Variants in FOCAD observed in about 807,000 individuals in gnomAD.
The protein encoded by FOCAD is KIAA1797.
Under a neutral mutation model 225.6 loss-of-function variants are expected in FOCAD, and 198 were observed. The observed-to-expected ratio is 0.88, with a 90% CI of 0.78 to 0.99. The LOEUF (loss-of-function observed/expected upper bound fraction) is 0.99. Ranked by LOEUF, FOCAD falls within the 50% of genes least tolerant of loss-of-function variation. The pLI is 0.00. For synonymous variants in FOCAD, 897 were observed against 755.0 expected, an observed-to-expected ratio of 1.19 and a Z score of -3.08; for missense variants, 2,713 against 2,123.6, an observed-to-expected ratio of 1.28 and a Z score of -5.46.
chr9:20,907,016 T>C (rs2132019698), intron 21 of FOCAD, 134 bp from the exon 22 acceptor site: 2 of 633,980 alleles, frequency 3.2e-6, no homozygotes, highest in South Asian at 4.1e-5. Context: ...TTTGTGGTTC[T>C]GATCCTAGAC....
chr9:20,778,362 A>G (rs1219099151), intron 8 of FOCAD, among the ~76,000 whole-genome samples: 1 of 151,864 alleles, frequency 6.6e-6, no homozygotes, highest in Non-Finnish European at 1.5e-5. Flanking sequence ...CCTCCTGAGT[A>G]GCTGGGAAAT....
intron 4 of FOCAD, among the ~76,000 whole-genome samples, chr9:20,731,936 G>T (rs568652564): frequency 2.6e-5 from 4 of 152,060 alleles, no homozygotes; most frequent in Non-Finnish European, 5.9e-5. Flanking sequence ...TATTTATTGA[G>T]TATATTTATT....
rs907244624 is a variant in FOCAD at position 20,927,860 on chromosome 9, G to A, written c.3078+1443G>A. 8 of 151,542 alleles carry A rather than the reference G, an allele frequency of 5.3e-5. No individual in the cohort carries two copies. The South Asian group carries it at 1.5e-3, about 28-fold the overall frequency. The allele number at this position is 151,542 out of a possible 1,614,324, so 9.4% of individuals were successfully genotyped here. A position where few individuals can be genotyped will look rare whatever the true frequency, so the allele number is the denominator to read the frequency against. ...GCCGAAGGTCTTCTCTGTGTATTTT[G>A]TGTGCCTCTGTCCTGCCCTTGGGAA... On this transcript the variant is annotated intron_variant, in intron 26 of 43. Coordinates refer to ENST00000338382, the MANE Select transcript of FOCAD (RefSeq NM_001375567.1).
intron 11 of FOCAD, among the ~76,000 whole-genome samples, chr9:20,799,331 G>T (rs1472594239): frequency 1.3e-5 from 2 of 152,190 alleles, no homozygotes; most frequent in African/African-American, 4.8e-5. Flanking sequence ...CTGTTGATTT[G>T]GGGTGGAGAT....
chr9:20,848,723 T>C (rs1827362713), intron 15 of FOCAD, among the ~76,000 whole-genome samples: 1 of 151,990 alleles, frequency 6.6e-6, no homozygotes, highest in African/African-American at 2.4e-5. Flanking sequence ...CACATTCTTT[T>C]GCAACTTGTT....
chr9:20,922,335 T>A (rs144942209), intron 24 of FOCAD, among the ~76,000 whole-genome samples: 1 of 143,540 alleles, frequency 7.0e-6, no homozygotes, highest in Non-Finnish European at 1.6e-5. Flanking sequence ...GAGGAATACA[T>A]TGAGGTGGGG....
chr9:20,666,428 G>C (rs971151478), intron 2 of FOCAD, among the ~76,000 whole-genome samples: 20 of 152,080 alleles, frequency 1.3e-4, no homozygotes, highest in African/African-American at 4.8e-4. Flanking sequence ...AAAACAGCTG[G>C]AAGTGGTGGT....
chr9:20,870,891 A>G (rs1203370160), intron 18 of FOCAD, among the ~76,000 whole-genome samples: 1 of 152,170 alleles, frequency 6.6e-6, no homozygotes, highest in Admixed American at 6.5e-5. Flanking sequence ...TCTATATTCA[A>G]TTTGAAGCAA....
chr9:20,739,118 C>T (rs1180230741), intron 4 of FOCAD, among the ~76,000 whole-genome samples: 2 of 152,058 alleles, frequency 1.3e-5, no homozygotes, highest in African/African-American at 2.4e-5. Context: ...TAAAAAAATA[C>T]ACTCAGTAAC....
At chr9:20,799,341 T>G (rs1019141695) in intron 11 of FOCAD, among the ~76,000 whole-genome samples, 5 of 152,238 alleles carry the variant, frequency 3.3e-5, no homozygotes, top group Admixed American at 2.6e-4. Flanking sequence ...GGGGTGGAGA[T>G]TTCTGTAGAT....
chr9:20,832,048 G>A (rs551539975), intron 15 of FOCAD, among the ~76,000 whole-genome samples: 1 of 152,122 alleles, frequency 6.6e-6, no homozygotes, highest in East Asian at 1.9e-4. Flanking sequence ...GTCTTTTTAG[G>A]GTTGAGTAAT....
Position 20,993,324 on chromosome 9 carries a change from G to A in FOCAD, c.5328G>A (p.Leu1776=). The part of the protein sequence containing the change: ...EALSAQSRDL[L]KATLLSLRVL... ...TCTCAGCACAGTCCAGGGATCTTTTGAAAGGTATTACTTCCATGTTTTATG... is the reference window on the plus strand; with the variant it reads ...TCTCAGCACAGTCCAGGGATCTTTTAAAAGGTATTACTTCCATGTTTTATG... Residue 1776 remains leucine, a synonymous_variant, in exon 43 of 44, where the codon TTG becomes TTA. Transcript: ENST00000338382. 8.1e-6 allele frequency: 13 copies of A among 1,612,756 alleles called. No individual in the cohort carries two copies. The highest frequency in any genetic ancestry group is 1.1e-5 in the Non-Finnish European group (13 of 1,178,904).
At chr9:20,739,602 TAAA>T (rs77597569) in intron 4 of FOCAD, among the ~76,000 whole-genome samples, 1 of 139,964 alleles carries the variant, frequency 7.1e-6, no homozygotes. Flanking sequence ...AAACTCCATC[TAAA>T]AAAAAAAAAA....
intron 2 of FOCAD, among the ~76,000 whole-genome samples, chr9:20,659,301 G>A (rs371556588): frequency 9.6e-4 from 143 of 149,686 alleles, no homozygotes; most frequent in African/African-American, 1.5e-3. Flanking sequence ...CAGCTAATTC[G>A]GAGGCTGAGG....
rs933106803 is a variant in FOCAD, at chr9:20,950,893, A to G, written c.3949-103A>G. On this transcript the variant is annotated intron_variant, in intron 33 of 43. Transcript: ENST00000338382. Reference sequence around the variant, plus strand: ...TCATAGGACTGCTCGTTGCCAGCCAAGCCACCACCTCCTAAATGACTGGTG... The same window carrying G: ...TCATAGGACTGCTCGTTGCCAGCCAGGCCACCACCTCCTAAATGACTGGTG... 4 of 943,550 alleles carry G rather than the reference A, an allele frequency of 4.2e-6. No individual in the cohort carries two copies. In the African/African-American group the frequency reaches 6.5e-5, roughly 15 times the overall value. 58.4% of individuals were successfully genotyped at this position (943,550 alleles called of 1,614,324 possible).
chr9:20,912,009 G>A (rs915478185), intron 22 of FOCAD, among the ~76,000 whole-genome samples: 1 of 151,970 alleles, frequency 6.6e-6, no homozygotes, highest in Non-Finnish European at 1.5e-5. Context: ...CCACCAAAAT[G>A]GAAAAAATTA....
chr9:20,778,808 A>T (rs902619433), intron 9 of FOCAD, 40 bp downstream of exon 9: 1 of 1,159,008 alleles, frequency 8.6e-7, no homozygotes, highest in East Asian at 2.3e-5. Flanking sequence ...ATGTAAATAT[A>T]ACATGAGTAT....
chr9:20,735,614 C>G (rs1453467280), intron 4 of FOCAD, among the ~76,000 whole-genome samples: 1 of 151,818 alleles, frequency 6.6e-6, no homozygotes, highest in Non-Finnish European at 1.5e-5. Flanking sequence ...CTCCTGGGCT[C>G]AAGTGATCCT....
chr9:20,715,146 T>A (rs942869155), intron 1 of FOCAD, among the ~76,000 whole-genome samples, 176 bp from the exon 2 acceptor site: 1 of 152,190 alleles, frequency 6.6e-6, no homozygotes, highest in Non-Finnish European at 1.5e-5. Flanking sequence ...AATCATGACA[T>A]TTGAGTGCTG....
Sources: gnomAD v4.1 joint callset for allele counts (sites outside exome capture counted in the v4.1 genomes callset) on GRCh38, gnomAD v4.1.1 for gene constraint, MANE v1.5 for transcripts, NCBI Gene and HGNC (gene_info 2026-07-23, HGNC 2026-07-21) for gene names.